GNA12: variants seen among roughly 807,000 people sequenced by gnomAD.
The protein encoded by GNA12 is G protein subunit alpha 12.
A neutral mutation model predicts 26.0 loss-of-function variants in GNA12; 9 were observed. The ratio of observed to expected loss-of-function variants is 0.35; its 90% CI spans 0.21 to 0.60. GNA12 has a LOEUF of 0.60. Ranked by LOEUF, GNA12 falls within the 20% of genes least tolerant of loss-of-function variation. The pLI, the probability that GNA12 is intolerant of heterozygous loss-of-function variation, is 0.78. For missense variants in GNA12, 405 were observed against 525.8 expected (o/e 0.77, Z 2.25); for synonymous variants, 264 against 219.6 (o/e 1.20, Z -1.79).
At chr7:2,739,348 T>C (rs1013932581) in intron 2 of GNA12, among the ~76,000 whole-genome samples, 2 of 152,198 alleles carry the variant, frequency 1.3e-5, no homozygotes, top group Non-Finnish European at 2.9e-5. Flanking sequence ...ATTTGCCGGT[T>C]CTGGATCTCT....
chr7:2,810,123 C>G (rs2115480044), intron 1 of GNA12, among the ~76,000 whole-genome samples: 1 of 152,320 alleles, frequency 6.6e-6, no homozygotes, highest in Middle Eastern at 3.4e-3. Context: ...TTAGTCTGGG[C>G]TGCTATAACA....
chr7:2,739,358 T>C (rs1171209578), intron 2 of GNA12, among the ~76,000 whole-genome samples: 1 of 152,328 alleles, frequency 6.6e-6, no homozygotes. Context: ...TCTGGATCTC[T>C]CATTGGAGCG....
intron 1 of GNA12, among the ~76,000 whole-genome samples, chr7:2,806,472 AAAAAAAGAAAAAG>A (rs948014135): frequency 4.0e-5 from 6 of 151,296 alleles, no homozygotes; most frequent in Non-Finnish European, 7.4e-5. Context: ...AAAAAAAAAA[AAAAAAAGAAAAAG>A]AAAAAAGAAG....
At chr7:2,781,829 C>A (rs745480560) in intron 2 of GNA12, among the ~76,000 whole-genome samples, 47 of 152,250 alleles carry the variant, frequency 3.1e-4, no homozygotes, top group Non-Finnish European at 4.9e-4. Flanking sequence ...GACATCATTA[C>A]TCCTCAAGGG....
In GNA12 at chr7:2,806,466, A is replaced by AAAG. The variant is rs1792951119; in HGVS notation, c.310-11324_310-11323insCTT. Reference sequence around the variant, plus strand: ...GAGCGAGACTCTGTCTCAAAAAAAAAAAAAAAAAAAAAGAAAAAGAAAAAA... The same window carrying AAAG: ...GAGCGAGACTCTGTCTCAAAAAAAAAAAGAAAAAAAAAAAAGAAAAAGAAAAAA... On this transcript the variant is annotated intron_variant, in intron 1 of 3. Transcript: ENST00000275364. 2.0e-5 allele frequency among the ~76,000 whole-genome samples: 3 copies of AAAG among 151,048 alleles called. No individual in the cohort carries two copies. The South Asian group carries it at 6.2e-4, about 31-fold the overall frequency.
In GNA12 at chr7:2,728,722, T is replaced by TGC. The variant is rs10627045; in HGVS notation, c.*2458_*2459insGC. 2 of 104,556 alleles carry TGC rather than the reference T, an allele frequency of 1.9e-5. No homozygotes were observed. Among genetic ancestry groups the TGC allele is most frequent in the African/African-American group, 6.7e-5 (2 of 29,968 alleles). 6.5% of individuals were successfully genotyped at this position (104,556 alleles called of 1,614,324 possible). On this transcript the variant is annotated 3_prime_UTR_variant, in exon 4 of 4. Coordinates refer to ENST00000275364, the MANE Select transcript of GNA12 (RefSeq NM_007353.3). ...TGGAGACAAAACTGACTAGAGTCTA[T>TGC]GTGTAGCCAAGTTGTGAATGACAGT... is the stretch of plus-strand genomic sequence containing the variant.
chr7:2,728,521 G>A lies in GNA12; in HGVS notation c.*2660C>T, dbSNP rs1482227569. The A allele has an allele frequency of 6.6e-6, 1 of 152,294 alleles. No individual in the cohort carries two copies. Among genetic ancestry groups the A allele is most frequent in the Non-Finnish European group, 1.5e-5 (1 of 68,016 alleles). 9.4% of individuals were successfully genotyped at this position (152,294 alleles called of 1,614,324 possible). The stretch of plus-strand genomic sequence containing the variant: ...TAGATTTCAGTAAAACCCTATATGC[G>A]TCTTATGTGTACACAGTATAGCTAT... On this transcript the variant is annotated 3_prime_UTR_variant, in exon 4 of 4. Transcript: ENST00000275364.
intron 1 of GNA12, among the ~76,000 whole-genome samples, chr7:2,811,966 CTTAT>C (rs1793092061): frequency 6.6e-6 from 1 of 152,198 alleles, no homozygotes; most frequent in East Asian, 1.9e-4. Context: ...CAGAGCAGCG[CTTAT>C]TTGTTTCCCT....
intron 1 of GNA12, among the ~76,000 whole-genome samples, chr7:2,840,378 A>G (rs556777753): frequency 6.6e-6 from 1 of 152,222 alleles, no homozygotes; most frequent in East Asian, 1.9e-4. Context: ...AAATGAGGTA[A>G]TACCATCTGA....
chr7:2,750,092 G>A (rs1235388827), intron 2 of GNA12, among the ~76,000 whole-genome samples: 1 of 152,126 alleles, frequency 6.6e-6, no homozygotes. Flanking sequence ...TCATAGCAAG[G>A]ATGCTATACC....
intron 1 of GNA12, among the ~76,000 whole-genome samples, chr7:2,811,634 A>G (rs1182458778): frequency 6.6e-6 from 1 of 152,204 alleles, no homozygotes; most frequent in Non-Finnish European, 1.5e-5. Context: ...AAGGTTGTAA[A>G]GAACGATTGC....
intron 2 of GNA12, among the ~76,000 whole-genome samples, chr7:2,760,948 CCT>C (rs1468987299): frequency 2.0e-5 from 3 of 152,212 alleles, no homozygotes; most frequent in Non-Finnish European, 2.9e-5. Context: ...TCCAGCTCCC[CCT>C]GTCCTTCCCA....
chr7:2,819,505 T>C (rs1013991898), intron 1 of GNA12, among the ~76,000 whole-genome samples: 2 of 152,200 alleles, frequency 1.3e-5, no homozygotes, highest in Admixed American at 1.3e-4. Context: ...GACTCATTAC[T>C]GAAAGGTGAG....
At chr7:2,794,759 A>G in intron 2 of GNA12, 169 bp downstream of exon 2, 1 of 614,584 alleles carries the variant, frequency 1.6e-6, no homozygotes, top group South Asian at 2.0e-5. Context: ...AGCCTTTTAT[A>G]TAGCATCTGC....
intron 2 of GNA12, among the ~76,000 whole-genome samples, chr7:2,741,852 T>C (rs1259531490): frequency 1.3e-5 from 2 of 150,550 alleles, no homozygotes; most frequent in Non-Finnish European, 1.5e-5. Flanking sequence ...AGTATTCATC[T>C]AGGATGACTG....
At chr7:2,770,603 T>C (rs891098213) in intron 2 of GNA12, among the ~76,000 whole-genome samples, 6 of 151,918 alleles carry the variant, frequency 3.9e-5, no homozygotes, top group African/African-American at 1.5e-4. Flanking sequence ...GCCACTGAGC[T>C]CCAGCCTGGG....
At chr7:2,751,053 T>G (rs944468845) in intron 2 of GNA12, among the ~76,000 whole-genome samples, 4 of 152,168 alleles carry the variant, frequency 2.6e-5, no homozygotes, top group African/African-American at 7.2e-5. Context: ...TCTTGAGATG[T>G]TGCCACTACA....
chr7:2,742,276 A>G (rs1296713979), intron 2 of GNA12, among the ~76,000 whole-genome samples: 1 of 152,124 alleles, frequency 6.6e-6, no homozygotes, highest in East Asian at 1.9e-4. Context: ...TCAGCCTCCC[A>G]AAGTGCTGGG....
intron 2 of GNA12, among the ~76,000 whole-genome samples, chr7:2,793,870 A>G (rs1253896798): frequency 7.5e-6 from 1 of 133,848 alleles, no homozygotes; most frequent in African/African-American, 2.8e-5. Flanking sequence ...CAACAGCGCG[A>G]GACTCCATCT....
Sources: gnomAD v4.1 joint callset for allele counts (sites outside exome capture counted in the v4.1 genomes callset) on GRCh38, gnomAD v4.1.1 for gene constraint, MANE v1.5 for transcripts, NCBI Gene and HGNC (gene_info 2026-07-23, HGNC 2026-07-21) for gene names.